SLC28A1: variants seen among roughly 807,000 people sequenced by gnomAD.
The protein encoded by SLC28A1 is sodium/nucleoside cotransporter 1.
A neutral mutation model predicts 74.8 loss-of-function variants in SLC28A1; 64 were observed. The observed-to-expected ratio is 0.86, with a 90% CI of 0.70 to 1.05. The LOEUF (loss-of-function observed/expected upper bound fraction) is 1.05, where lower values mean the gene tolerates loss of function less well. Ranked by LOEUF, SLC28A1 falls within the 50% of genes least tolerant of loss-of-function variation. The pLI, the probability that SLC28A1 is intolerant of heterozygous loss-of-function variation, is 0.00. For synonymous variants in SLC28A1, 359 were observed against 335.0 expected (o/e 1.07, Z -0.78); for missense variants, 828 against 822.8 (o/e 1.01, Z -0.08).
chr15:84,895,335 CTG>C (rs1965870136), intron 6 of SLC28A1: 3 of 1,613,240 alleles, frequency 1.9e-6, no homozygotes, highest in Non-Finnish European at 2.5e-6. Flanking sequence ...CAGCAGGTGA[CTG>C]TGGTGGACGA....
intron 12 of SLC28A1, among the ~76,000 whole-genome samples, chr15:84,927,705 AG>A (rs777678888): frequency 6.6e-6 from 1 of 152,196 alleles, no homozygotes; most frequent in Non-Finnish European, 1.5e-5. Context: ...GCCTTGGAGA[AG>A]GGGAATTCTA....
the SLC28A1 span, among the ~76,000 whole-genome samples, chr15:84,967,461 T>C: frequency 6.6e-6 from 1 of 152,222 alleles, no homozygotes; most frequent in African/African-American, 2.4e-5. Flanking sequence ...TGACCCCCTG[T>C]CATGCTCTGA....
chr15:84,924,079 G>A lies in SLC28A1; in HGVS notation c.1052G>A (p.Gly351Asp), dbSNP rs1440778436. ...ACCGGAGGTTACGCCACCATTGCTGGCAGCCTGCTGGGTGCCTACATCTCC... is the reference window on the plus strand; with the variant it reads ...ACCGGAGGTTACGCCACCATTGCTGACAGCCTGCTGGGTGCCTACATCTCC... ...VMTGGYATIA[G>D]SLLGAYISFG... The change falls in exon 12 of 19, where the codon GGC (glycine) becomes GAC (aspartate). Residue 351 changes from glycine (G) to aspartate (D), a missense_variant. Transcript: ENST00000394573. 1 of 1,613,758 alleles carries A rather than the reference G, an allele frequency of 6.2e-7. No homozygotes were observed. The highest frequency in any genetic ancestry group is 2.2e-5 in the East Asian group (1 of 44,834).
downstream of SLC28A1, among the ~76,000 whole-genome samples, chr15:84,947,021 C>T (rs1294659179): frequency 1.3e-5 from 2 of 152,198 alleles, no homozygotes; most frequent in African/African-American, 4.8e-5. Flanking sequence ...GAGCCCTGGC[C>T]AGCAGTTATT....
At chr15:84,909,736 A>G (rs1035390607) in intron 9 of SLC28A1, among the ~76,000 whole-genome samples, 1 of 152,226 alleles carries the variant, frequency 6.6e-6, no homozygotes, top group Non-Finnish European at 1.5e-5. Flanking sequence ...CCACTCACCC[A>G]GTAGTTGGCC....
chr15:84,939,234 C>T (rs1442599644), intron 15 of SLC28A1, among the ~76,000 whole-genome samples: 1 of 152,172 alleles, frequency 6.6e-6, no homozygotes, highest in Non-Finnish European at 1.5e-5. Context: ...GCAGGAGGAT[C>T]GCTTGGACCC....
At chr15:84,943,360 T>C in intron 15 of SLC28A1, 85 bp from the exon 16 acceptor site, 3 of 950,444 alleles carry the variant, frequency 3.2e-6, no homozygotes, top group Admixed American at 1.7e-5. Context: ...GTGGGTAAAA[T>C]TAAGGCCAGG....
At chr15:84,951,519 A>G in the SLC28A1 span, among the ~76,000 whole-genome samples, 1 of 151,516 alleles carries the variant, frequency 6.6e-6, no homozygotes, top group Admixed American at 6.6e-5. Flanking sequence ...ACTTTATGTG[A>G]GAGGGGAATA....
chr15:84,931,169 A>G (rs571594290), intron 12 of SLC28A1, among the ~76,000 whole-genome samples: 9 of 150,898 alleles, frequency 6.0e-5, no homozygotes, highest in Admixed American at 5.3e-4. Flanking sequence ...GCCTCCCAAA[A>G]TGCTGGGATT....
At chr15:84,932,611 C>G (rs1230412238) in intron 12 of SLC28A1, among the ~76,000 whole-genome samples, 2 of 152,188 alleles carry the variant, frequency 1.3e-5, no homozygotes, top group African/African-American at 4.8e-5. Context: ...GGAGTACCTT[C>G]CTACGCTAGT....
intron 8 of SLC28A1, among the ~76,000 whole-genome samples, chr15:84,908,496 C>G (rs1967606131): frequency 6.6e-6 from 1 of 151,946 alleles, no homozygotes; most frequent in South Asian, 2.1e-4. Context: ...CAGAGCATAT[C>G]TTTAAAATTG....
At chr15:84,889,409 G>C (rs1320608801) in intron 4 of SLC28A1, among the ~76,000 whole-genome samples, 1 of 152,146 alleles carries the variant, frequency 6.6e-6, no homozygotes, top group African/African-American at 2.4e-5. Flanking sequence ...GGGTGGTGGT[G>C]GGGGAGGGAT....
At chr15:84,900,298 C>A (rs1249826006) in intron 6 of SLC28A1, among the ~76,000 whole-genome samples, 2 of 150,672 alleles carry the variant, frequency 1.3e-5, no homozygotes, top group African/African-American at 4.9e-5. Context: ...CCACTGCACT[C>A]CAGCCTGGGA....
intron 3 of SLC28A1, among the ~76,000 whole-genome samples, chr15:84,888,263 C>T (rs945139772): frequency 1.3e-5 from 2 of 152,050 alleles, no homozygotes; most frequent in Admixed American, 6.5e-5. Context: ...CAGGTCAGGT[C>T]GAGGCACACC....
At chr15:84,957,752 G>T in the SLC28A1 span, among the ~76,000 whole-genome samples, 35 of 152,304 alleles carry the variant, frequency 2.3e-4, no homozygotes, top group Non-Finnish European at 4.6e-4. Context: ...GGAAGTATGA[G>T]TCTTCCATCT....
chr15:84,890,100 G>T (rs1358821901), intron 4 of SLC28A1, among the ~76,000 whole-genome samples: 1 of 148,768 alleles, frequency 6.7e-6, no homozygotes, highest in Non-Finnish European at 1.5e-5. Context: ...CTCCCAAAGT[G>T]CTGGGATTAC....
In SLC28A1 at chr15:84,938,888, C is replaced by A. The variant is rs944313635; in HGVS notation, c.1581+3370C>A. Among the ~76,000 whole-genome samples, 6 of 152,146 alleles carry A rather than the reference C, an allele frequency of 3.9e-5. 1 individual carries two copies. The highest frequency in any genetic ancestry group is 8.8e-5 in the Non-Finnish European group (6 of 68,036). ...GGGAAAAACATTCCAAAGGAAGAGG[C>A]ATGTGCAAAGGCCCTGAGGTTGAAA... On this transcript the variant is annotated intron_variant, in intron 15 of 18. Transcript: ENST00000394573.
Position 84,922,924 on chromosome 15 carries a change from C to T in SLC28A1, c.958-1061C>T, listed in dbSNP as rs187754963. Among the ~76,000 whole-genome samples the T allele has an allele frequency of 1.1e-4, 17 of 152,270 alleles. No homozygotes were observed. In the East Asian group the frequency reaches 1.2e-3, roughly 10 times the overall value. ...GTCACCTCCTCAGAGAGGGCTTTGC[C>T]GATTTCTCAGTTTCTTTGTTTTTGT... On this transcript the variant is annotated intron_variant, in intron 11 of 18. Coordinates refer to ENST00000394573, the MANE Select transcript of SLC28A1 (RefSeq NM_004213.5).
intron 8 of SLC28A1, 137 bp downstream of exon 8, chr15:84,905,789 C>T: frequency 1.4e-6 from 1 of 723,336 alleles, no homozygotes; most frequent in Non-Finnish European, 2.5e-6. Context: ...GACTGGGGCC[C>T]CAGACCAGGT....
Sources: allele counts gnomAD v4.1 joint callset (sites outside exome capture counted in the v4.1 genomes callset), GRCh38; gene constraint gnomAD v4.1.1; transcripts MANE v1.5; gene names NCBI Gene and HGNC (gene_info 2026-07-23, HGNC 2026-07-21).